Variants in MIA2 observed in about 807,000 individuals in gnomAD.
The protein encoded by MIA2 is MIA SH3 domain ER export factor 2.
Under a neutral mutation model 167.8 loss-of-function variants are expected in MIA2, and 127 were observed. The ratio of observed to expected loss-of-function variants is 0.76; its 90% CI spans 0.66 to 0.88. The LOEUF (loss-of-function observed/expected upper bound fraction) is 0.88, where lower values mean the gene tolerates loss of function less well. Ranked by LOEUF, MIA2 falls within the 40% of genes least tolerant of loss-of-function variation. The pLI, the probability that MIA2 is intolerant of heterozygous loss-of-function variation, is 0.00. For synonymous variants in MIA2, 552 were observed against 541.9 expected, an observed-to-expected ratio of 1.02 and a Z score of -0.26; for missense variants, 1,690 against 1,624.7, an observed-to-expected ratio of 1.04 and a Z score of -0.69.
chr14:39,343,980 T>G (rs1479969273), intron 25 of MIA2, among the ~76,000 whole-genome samples: 4 of 152,208 alleles, frequency 2.6e-5, no homozygotes, highest in African/African-American at 9.6e-5. Context: ...ACCTCTTATA[T>G]TATGTATATT....
chr14:39,255,556 G>A (rs2054782254), intron 6 of MIA2, among the ~76,000 whole-genome samples: 1 of 152,062 alleles, frequency 6.6e-6, no homozygotes, highest in South Asian at 2.1e-4. Flanking sequence ...TCTGTCCCAG[G>A]TTAGGAGAAA....
At chr14:39,334,390 G>C (rs546749135) in intron 25 of MIA2, among the ~76,000 whole-genome samples, 20 of 150,908 alleles carry the variant, frequency 1.3e-4, no homozygotes, top group African/African-American at 4.4e-4. Context: ...CAGGAGAATT[G>C]CTTGAACCTG....
chr14:39,347,510 C>A (rs2073552647), intron 26 of MIA2: 1 of 554,650 alleles, frequency 1.8e-6, no homozygotes, highest in Non-Finnish European at 3.2e-6. Flanking sequence ...GAAATAATTG[C>A]CACATGCCAT....
At chr14:39,274,136 A>C (rs2057578357) in intron 6 of MIA2, among the ~76,000 whole-genome samples, 2 of 152,168 alleles carry the variant, frequency 1.3e-5, no homozygotes, top group Non-Finnish European at 2.9e-5. Flanking sequence ...TGGAAATGGA[A>C]TAGATTTTAA....
chr14:39,289,446 C>G (rs1015044327), intron 9 of MIA2, among the ~76,000 whole-genome samples: 3 of 152,076 alleles, frequency 2.0e-5, no homozygotes, highest in African/African-American at 7.2e-5. Flanking sequence ...AACTCCTGAC[C>G]TCATGATCCC....
At chr14:39,386,334 C>T (rs2075272410) in intron 23 of MIA2, 1 of 1,507,902 alleles carries the variant, frequency 6.6e-7, no homozygotes, top group Non-Finnish European at 9.2e-7. Flanking sequence ...CTGATAGCTT[C>T]ATCACAAGAC....
chr14:39,284,027 CT>C (rs1475696912), intron 9 of MIA2, among the ~76,000 whole-genome samples: 1 of 151,766 alleles, frequency 6.6e-6, no homozygotes, highest in African/African-American at 2.4e-5. Flanking sequence ...TTTATTGTTT[CT>C]TTTGCTTTGC....
intron 25 of MIA2, among the ~76,000 whole-genome samples, chr14:39,337,509 T>C (rs1188577156): frequency 2.0e-5 from 3 of 152,148 alleles, no homozygotes; most frequent in African/African-American, 7.2e-5. Context: ...CAGTGGAACA[T>C]TTTACAAGAC....
chr14:39,306,390 G>T (rs569155132), intron 17 of MIA2, among the ~76,000 whole-genome samples: 2 of 152,278 alleles, frequency 1.3e-5, no homozygotes, highest in South Asian at 2.1e-4. Context: ...AGGTGAAGGG[G>T]TAGCTTCCTT....
intron 23 of MIA2, among the ~76,000 whole-genome samples, chr14:39,364,066 A>C (rs1034488597): frequency 2.6e-5 from 4 of 152,152 alleles, no homozygotes; most frequent in Non-Finnish European, 5.9e-5. Context: ...CATTTAAAAA[A>C]TTGTTTTCTG....
intron 28 of MIA2, 91 bp downstream of exon 28, chr14:39,349,068 T>C: frequency 7.0e-7 from 1 of 1,425,382 alleles, no homozygotes; most frequent in Non-Finnish European, 9.6e-7. Flanking sequence ...AGTAACACAG[T>C]GGAGGAAAGT....
Position 39,303,527 on chromosome 14 carries a change from T to A in MIA2, c.2787+3T>A. 1 of 1,606,688 alleles carries A rather than the reference T, an allele frequency of 6.2e-7. No homozygotes were observed. The highest frequency in any genetic ancestry group is 8.5e-7 in the Non-Finnish European group (1 of 1,174,346). On this transcript the variant is annotated splice_donor_region_variant and intron_variant, in intron 16 of 28. Transcript: ENST00000640607. ...AGAAACTGATTCATGCTGCTAAGGT[T>A]TGTGCTATTAGATACTTAAAAAGAA... is the stretch of plus-strand genomic sequence containing the variant.
rs143590419 is a variant in MIA2 at position 39,264,483 on chromosome 14, T to C, written c.1887+11312T>C. On this transcript the variant is annotated intron_variant, in intron 6 of 28. Coordinates refer to ENST00000640607, the MANE Select transcript of MIA2 (RefSeq NM_001329214.4). ...CCAGTAATGACATTGCTGGGTCGAATGGTGGTTCTATTTTTAACACTACTT... is the reference window on the plus strand; with the variant it reads ...CCAGTAATGACATTGCTGGGTCGAACGGTGGTTCTATTTTTAACACTACTT... Among the ~76,000 whole-genome samples, 641 of 152,332 alleles carry C rather than the reference T, an allele frequency of 4.2e-3. 4 individuals carry two copies. Among genetic ancestry groups the C allele is most frequent in the African/African-American group, 0.015 (614 of 41,574 alleles).
intron 23 of MIA2, among the ~76,000 whole-genome samples, chr14:39,359,221 G>A (rs1242079740): frequency 6.6e-6 from 1 of 152,190 alleles, no homozygotes; most frequent in Admixed American, 6.5e-5. Context: ...TTCCAAGCAG[G>A]TTTGTTTACC....
At chr14:39,368,330 A>G (rs1229412929) in intron 23 of MIA2, among the ~76,000 whole-genome samples, 2 of 152,190 alleles carry the variant, frequency 1.3e-5, no homozygotes, top group African/African-American at 4.8e-5. Flanking sequence ...AGTCTCAGGC[A>G]GGGCAGTGGC....
rs1305884114 is a variant in MIA2 at position 39,291,026 on chromosome 14, G to A, written c.2138G>A (p.Gly713Asp). 1.2e-6 allele frequency: 2 copies of A among 1,606,366 alleles called. No homozygotes were observed. Among genetic ancestry groups the A allele is most frequent in the South Asian group, 2.2e-5 (2 of 89,132 alleles). Reference sequence around the variant, plus strand: ...GATGTTGCTTTGTTTCAGTATGAAGGCTATGAAGTAGAGTCATCTTTAAAG... The same window carrying A: ...GATGTTGCTTTGTTTCAGTATGAAGACTATGAAGTAGAGTCATCTTTAAAG... ...KFSLVQKEYE[G>D]YEVESSLKDA... Residue 713 changes from glycine (G) to aspartate (D), a missense_variant, in exon 10 of 29, where the codon GGC becomes GAC. Coordinates refer to ENST00000640607, the MANE Select transcript of MIA2 (RefSeq NM_001329214.4).
intron 17 of MIA2, among the ~76,000 whole-genome samples, chr14:39,305,026 C>G (rs2063113868): frequency 6.6e-6 from 1 of 152,108 alleles, no homozygotes; most frequent in African/African-American, 2.4e-5. Flanking sequence ...AGGACATACT[C>G]AAATGTCAAC....
chr14:39,247,702 T>C lies in MIA2; in HGVS notation c.1128T>C (p.Ser376=), dbSNP rs373101588. The part of the protein sequence containing the change: ...ITNDSLSLKP[S]WFDFGFAILG... ...ATGATAGCTTGAGTCTCAAGCCAAG[T>C]TGGTTTGATTTTGGTTTTGCTATAC... Residue 376 remains serine (S), a synonymous_variant, in exon 4 of 29, where the codon AGT becomes AGC. Transcript: ENST00000640607. 9 of 1,611,192 alleles carry C rather than the reference T, an allele frequency of 5.6e-6. No individual in the cohort carries two copies. The highest frequency in any genetic ancestry group is 1.1e-5 in the South Asian group (1 of 90,222).
intron 9 of MIA2, among the ~76,000 whole-genome samples, chr14:39,284,699 G>A (rs1384529380): frequency 6.7e-6 from 1 of 150,000 alleles, no homozygotes; most frequent in East Asian, 2.0e-4. Context: ...TTGTTCCTAG[G>A]TATTTTATTT....
Sources: gnomAD v4.1 joint callset for allele counts (sites outside exome capture counted in the v4.1 genomes callset) on GRCh38, gnomAD v4.1.1 for gene constraint, MANE v1.5 for transcripts, NCBI Gene and HGNC (gene_info 2026-07-23, HGNC 2026-07-21) for gene names.